The following CDH11 variants were observed in gnomAD, a reference collection of about 807,000 sequenced individuals.
The protein encoded by CDH11 is cadherin 11.
A neutral mutation model predicts 67.8 loss-of-function variants in CDH11; 11 were observed. That is an observed-to-expected ratio of 0.16 (90% CI 0.10 to 0.27). The LOEUF is 0.27. Among genes scored for constraint, CDH11 ranks in the 10% least tolerant of loss-of-function variants. The pLI is 1.00. For missense variants in CDH11, 847 were observed against 1,031.2 expected (o/e 0.82, Z 2.45); for synonymous variants, 419 against 400.0 (o/e 1.05, Z -0.57).
chr16:65,122,129 T>TGG, upstream of CDH11: 1 of 56,106 alleles, frequency 1.8e-5, no homozygotes, highest in Non-Finnish European at 3.4e-5. Context: ...GGCAGGCGGG[T>TGG]GCGGGGCGGG....
intron 9 of CDH11, 22 bp from the exon 10 acceptor site, chr16:64,972,086 A>G (rs1354042184): frequency 1.9e-6 from 3 of 1,612,238 alleles, no homozygotes; most frequent in Middle Eastern, 1.7e-4. Context: ...GAATGCAGAC[A>G]GTCAAGAAAG....
At chr16:64,953,158 T>C (rs1466821214) in intron 11 of CDH11, among the ~76,000 whole-genome samples, 1 of 152,094 alleles carries the variant, frequency 6.6e-6, no homozygotes, top group Non-Finnish European at 1.5e-5. Flanking sequence ...TTTCTGTTTT[T>C]CTCCCCAAAT....
At position 64,945,026 on chromosome 16, in the gene CDH11, T is replaced by C. The variant is rs2071170307; in HGVS notation, c.*2577A>G. On this transcript the variant is annotated 3_prime_UTR_variant, in exon 13 of 13. Transcript: ENST00000268603. ...GGAACAGGGTTTATAAAATAAGATT[T>C]TGATGAATTAATGAATGAATCAATG... 1 of 208,312 alleles carries C rather than the reference T, an allele frequency of 4.8e-6. No individual in the cohort carries two copies. Among genetic ancestry groups the C allele is most frequent in the South Asian group, 1.9e-4 (1 of 5,292 alleles). 12.9% of individuals were successfully genotyped at this position (208,312 alleles called of 1,614,324 possible). A position where few individuals can be genotyped will look rare whatever the true frequency, so the allele number is the denominator to read the frequency against.
chr16:65,058,906 G>A (rs776942909), intron 1 of CDH11, among the ~76,000 whole-genome samples: 2 of 152,054 alleles, frequency 1.3e-5, no homozygotes, highest in Non-Finnish European at 2.9e-5. Flanking sequence ...CAATAGTTGT[G>A]ATTATGAAAA....
intron 1 of CDH11, among the ~76,000 whole-genome samples, chr16:65,064,350 T>G (rs1036998294): frequency 6.6e-6 from 1 of 152,242 alleles, no homozygotes; most frequent in Non-Finnish European, 1.5e-5. Context: ...CACATTCCTG[T>G]GGCGAGCACA....
At chr16:65,047,555 T>C (rs2073984345) in intron 2 of CDH11, among the ~76,000 whole-genome samples, 1 of 152,028 alleles carries the variant, frequency 6.6e-6, no homozygotes. Context: ...TTTCACCATG[T>C]TGGCCAGGAT....
chr16:64,946,773 C>A lies in CDH11; in HGVS notation c.*830G>T. On this transcript the variant is annotated 3_prime_UTR_variant, in exon 13 of 13. Transcript: ENST00000268603. ...GTTTGTTTCAATGTTAAGAATCAAA[C>A]CCAGAATTAAAAAAAAATCTTTTTT... 1 of 895,434 alleles carries A rather than the reference C, an allele frequency of 1.1e-6. No individual in the cohort carries two copies. The highest frequency in any genetic ancestry group is 1.4e-6 in the Non-Finnish European group (1 of 736,876). 55.5% of individuals were successfully genotyped at this position (895,434 alleles called of 1,614,324 possible). A position where few individuals can be genotyped will look rare whatever the true frequency, so the allele number is the denominator to read the frequency against.
chr16:64,955,371 T>C (rs1041440899), intron 11 of CDH11, among the ~76,000 whole-genome samples: 1 of 151,958 alleles, frequency 6.6e-6, no homozygotes, highest in Non-Finnish European at 1.5e-5. Flanking sequence ...AGGTGGAAGT[T>C]GCAGTGAGCC....
intron 2 of CDH11, among the ~76,000 whole-genome samples, chr16:65,019,534 T>G (rs76589385): frequency 1.1e-3 from 161 of 152,212 alleles, no homozygotes; most frequent in African/African-American, 3.8e-3. Context: ...AGTGCATCGT[T>G]AACACTAAAG....
intron 11 of CDH11, among the ~76,000 whole-genome samples, chr16:64,962,161 A>T (rs2071690118): frequency 6.6e-6 from 1 of 152,202 alleles, no homozygotes; most frequent in Non-Finnish European, 1.5e-5. Context: ...CAGGTAAGTT[A>T]TATCACTTTG....
intron 2 of CDH11, among the ~76,000 whole-genome samples, chr16:65,026,281 G>A (rs1404009676): frequency 3.9e-5 from 6 of 152,132 alleles, no homozygotes; most frequent in Non-Finnish European, 5.9e-5. Flanking sequence ...TCTTGATGAG[G>A]TGGGTATTGC....
In CDH11 at chr16:65,121,990, CGG is replaced by C. The variant is rs1391615500; in HGVS notation, c.-410_-409del. 3 of 700,498 alleles carry C rather than the reference CGG, an allele frequency of 4.3e-6. No individual in the cohort carries two copies. The highest frequency in any genetic ancestry group is 7.8e-6 in the Non-Finnish European group (3 of 383,984). 43.4% of individuals were successfully genotyped at this position (700,498 alleles called of 1,614,324 possible). A position where few individuals can be genotyped will look rare whatever the true frequency, so the allele number is the denominator to read the frequency against. On this transcript the variant is annotated 5_prime_UTR_variant, in exon 1 of 13. It introduces an in-frame stop codon into an upstream open reading frame of the 5' UTR. Transcript: ENST00000268603. The surrounding 1 kb of genome is among the most constrained non-coding windows in gnomAD (Gnocchi z 4.1). ...CCCGGTCCCATTCACAAGTCAGCGG[CGG>C]CTGCGAGCGGCCCCCGCGGCATCTG...
At chr16:64,972,188 G>T (rs2072025937) in intron 9 of CDH11, 124 bp from the exon 10 acceptor site, 1 of 784,448 alleles carries the variant, frequency 1.3e-6, no homozygotes. Context: ...AGATGTTCTT[G>T]TCACAGAATC....
intron 1 of CDH11, among the ~76,000 whole-genome samples, chr16:65,096,829 G>A (rs770490298): frequency 2.4e-4 from 36 of 152,066 alleles, no homozygotes; most frequent in Non-Finnish European, 7.4e-5. Context: ...GGAACTGGAA[G>A]AGGCTATTCA....
intron 1 of CDH11, chr16:65,094,711 G>T (rs1220879924): frequency 6.6e-6 from 1 of 152,048 alleles, no homozygotes; most frequent in Non-Finnish European, 1.5e-5. Flanking sequence ...TACAAACAGA[G>T]GACTATAAAA....
intron 2 of CDH11, among the ~76,000 whole-genome samples, chr16:65,051,850 C>A (rs2074061558): frequency 6.6e-6 from 1 of 152,156 alleles, no homozygotes; most frequent in Admixed American, 6.5e-5. Context: ...GCTTCCCCAG[C>A]CATGCAGAAC....
intron 1 of CDH11, among the ~76,000 whole-genome samples, chr16:65,087,889 G>C (rs1445573069): frequency 6.6e-6 from 1 of 152,074 alleles, no homozygotes. Flanking sequence ...CTTTTTAACA[G>C]TAATTAATCA....
chr16:64,948,673 A>G (rs935021044), intron 12 of CDH11: 1 of 1,610,346 alleles, frequency 6.2e-7, no homozygotes, highest in Non-Finnish European at 8.5e-7. Context: ...AAAGACCCCC[A>G]GAAGACAAAA....
At chr16:65,107,410 G>A (rs180869528) in intron 1 of CDH11, among the ~76,000 whole-genome samples, 1 of 152,260 alleles carries the variant, frequency 6.6e-6, no homozygotes, top group East Asian at 1.9e-4. Context: ...TTATAACAAT[G>A]CTTCCACCCT....
Sources: gnomAD v4.1 joint callset for allele counts (sites outside exome capture counted in the v4.1 genomes callset) on GRCh38, gnomAD v4.1.1 for gene constraint, Gnocchi (gnomAD v3.1) non-coding constraint, MANE v1.5 for transcripts, NCBI Gene and HGNC (gene_info 2026-07-23, HGNC 2026-07-21) for gene names.